The following PPID variants were observed in gnomAD, a reference collection of about 807,000 sequenced individuals.
The protein encoded by PPID is peptidylprolyl isomerase D.
A neutral mutation model predicts 48.1 loss-of-function variants in PPID; 47 were observed. The observed-to-expected ratio is 0.98, with a 90% CI of 0.77 to 1.25. The LOEUF is 1.25. PPID is among the 50% of genes most tolerant of loss of function. PPID has a pLI of 0.00. For synonymous variants in PPID, 163 were observed against 148.8 expected (o/e 1.10, Z -0.69); for missense variants, 429 against 443.5 (o/e 0.97, Z 0.29).
chr4:158,710,740 A>C, intron 8 of PPID, 22 bp downstream of exon 8: 2 of 1,611,188 alleles, frequency 1.2e-6, no homozygotes, highest in Non-Finnish European at 1.7e-6. Flanking sequence ...TTAAAAAATT[A>C]AACATTTGGA....
chr4:158,714,234 G>C (rs1385743539), intron 6 of PPID, among the ~76,000 whole-genome samples: 1 of 152,122 alleles, frequency 6.6e-6, no homozygotes, highest in African/African-American at 2.4e-5. Flanking sequence ...ACAATTTCAC[G>C]ATACCACCTC....
chr4:158,723,064 G>A (rs1389029175), intron 1 of PPID, 140 bp downstream of exon 1: 10 of 817,774 alleles, frequency 1.2e-5, no homozygotes, highest in South Asian at 6.2e-5. Flanking sequence ...GGCCTGCTCC[G>A]GCGGACCAGC....
At chr4:158,720,025 G>C (rs978303654) in intron 2 of PPID, among the ~76,000 whole-genome samples, 6 of 152,180 alleles carry the variant, frequency 3.9e-5, no homozygotes, top group Non-Finnish European at 7.3e-5. Context: ...GCAGCAACAT[G>C]TACACAGTAT....
At chr4:158,717,567 T>C (rs1383135086) in intron 3 of PPID, among the ~76,000 whole-genome samples, 1 of 152,204 alleles carries the variant, frequency 6.6e-6, no homozygotes, top group Non-Finnish European at 1.5e-5. Context: ...TCTTGTAATA[T>C]ATTTTGCCCT....
At position 158,715,278 on chromosome 4, in the gene PPID, T is replaced by C; in HGVS notation, c.752+19A>G. On this transcript the variant is annotated intron_variant, in intron 6 of 9. Coordinates refer to ENST00000307720, the MANE Select transcript of PPID (RefSeq NM_005038.3). ...CAATTTATAATTTCTTAAAAATAATTTGTTAGAAATAATATTACCTTAAAA... is the reference window on the plus strand; with the variant it reads ...CAATTTATAATTTCTTAAAAATAATCTGTTAGAAATAATATTACCTTAAAA... 7.3e-7 allele frequency: 1 copy of C among 1,379,220 alleles called. No individual in the cohort carries two copies. Among genetic ancestry groups the C allele is most frequent in the South Asian group, 1.6e-5 (1 of 61,668 alleles). 85.4% of individuals were successfully genotyped at this position (1,379,220 alleles called of 1,614,324 possible). A position where few individuals can be genotyped will look rare whatever the true frequency, so the allele number is the denominator to read the frequency against.
intron 9 of PPID, 28 bp from the exon 10 acceptor site, chr4:158,709,852 A>G: frequency 6.4e-7 from 1 of 1,552,492 alleles, no homozygotes; most frequent in Non-Finnish European, 8.9e-7. Context: ...AATGTGAGTT[A>G]TTTCTCAAAA....
intron 1 of PPID, among the ~76,000 whole-genome samples, 182 bp downstream of exon 1, chr4:158,723,022 G>T (rs1276748591): frequency 6.6e-6 from 1 of 152,174 alleles, no homozygotes; most frequent in African/African-American, 2.4e-5. Context: ...ATTGATACAA[G>T]GGCGCTGGAT....
chr4:158,721,201 C>T (rs986166024), intron 2 of PPID, 142 bp downstream of exon 2: 4 of 999,572 alleles, frequency 4.0e-6, no homozygotes, highest in African/African-American at 1.6e-5. Context: ...CTAACCTTTA[C>T]GAAACTGCGT....
chr4:158,717,266 C>A, intron 3 of PPID, 66 bp from the exon 4 acceptor site: 1 of 1,420,642 alleles, frequency 7.0e-7, no homozygotes. Flanking sequence ...GTGTGTTAGT[C>A]TGAACTGTTC....
In PPID at chr4:158,723,379, C is replaced by G. The variant is rs1774997387; in HGVS notation, c.-91G>C. 5.3e-6 allele frequency: 7 copies of G among 1,310,030 alleles called. No homozygotes were observed. The highest frequency in any genetic ancestry group is 7.5e-6 in the Non-Finnish European group (7 of 929,412). The allele number at this position is 1,310,030 out of a possible 1,614,324, so 81.2% of individuals were successfully genotyped here. A position where few individuals can be genotyped will look rare whatever the true frequency, so the allele number is the denominator to read the frequency against. On this transcript the variant is annotated 5_prime_UTR_variant, in exon 1 of 10. Transcript: ENST00000307720. The stretch of plus-strand genomic sequence containing the variant: ...CTCCAGAGTCCGTCTCCGCCGGAGA[C>G]CGGCAGCGACGCTGACCGGCCACTT...
In PPID at chr4:158,717,089, A is replaced by G; in HGVS notation, c.445T>C (p.Phe149Leu). ...CCTATTCCTTTAATTACTTGGCCAA[A>G]CACCACATGTTTCCCATCCAAATGA... Reference protein sequence around the residue: ...TPHLDGKHVVFGQVIKGIGVA... With the variant: ...TPHLDGKHVVLGQVIKGIGVA... The change falls in exon 4 of 10, where the codon TTT becomes CTT. Residue 149 changes from phenylalanine (F) to leucine (L), a missense_variant. Coordinates refer to ENST00000307720, the MANE Select transcript of PPID (RefSeq NM_005038.3). 1 of 1,614,124 alleles carries G rather than the reference A, an allele frequency of 6.2e-7. No homozygotes were observed. The highest frequency in any genetic ancestry group is 8.5e-7 in the Non-Finnish European group (1 of 1,179,978).
chr4:158,713,725 G>A (rs867771448), intron 6 of PPID, among the ~76,000 whole-genome samples: 3 of 152,132 alleles, frequency 2.0e-5, no homozygotes, highest in Non-Finnish European at 4.4e-5. Flanking sequence ...GAAATCAGAG[G>A]TCCTTGGAGA....
intron 6 of PPID, 69 bp downstream of exon 6, chr4:158,715,228 C>A (rs372494663): frequency 4.9e-6 from 6 of 1,231,256 alleles, no homozygotes; most frequent in East Asian, 5.6e-5. Flanking sequence ...ATATAATGAG[C>A]AATTCTTAAT....
At chr4:158,710,567 T>G (rs748120355) in intron 9 of PPID, 61 bp downstream of exon 9, 11 of 1,542,620 alleles carry the variant, frequency 7.1e-6, no homozygotes, top group Non-Finnish European at 2.7e-6. Flanking sequence ...TGAACAATGG[T>G]TCCTGAGGAT....
chr4:158,720,701 TTTTGTTTGTTTGTTTG>T (rs10580126), intron 2 of PPID, among the ~76,000 whole-genome samples: 13 of 135,518 alleles, frequency 9.6e-5, no homozygotes, highest in Admixed American at 7.7e-4. Context: ...TTATGCATTT[TTTTGTTTGTTTGTTTG>T]TTTGTTTGTT....
Position 158,709,714 on chromosome 4 carries a change from A to G in PPID, c.*22T>C, listed in dbSNP as rs566464096. 6.5e-7 allele frequency: 1 copy of G among 1,535,024 alleles called. No individual in the cohort carries two copies. Among genetic ancestry groups the G allele is most frequent in the Non-Finnish European group, 9.0e-7 (1 of 1,113,502 alleles). ...TATTGCATTTATACAATCAACACAC[A>G]ATAAGCAAAACTGAATCCTTTCTAA... is the stretch of plus-strand genomic sequence containing the variant. On this transcript the variant is annotated 3_prime_UTR_variant, in exon 10 of 10. Transcript: ENST00000307720.
Position 158,709,247 on chromosome 4 carries a change from G to C in PPID, c.*489C>G, listed in dbSNP as rs1025522898. ...ACCATTTTAAAAAACATTTTACTTG[G>C]CCGGGCACGGTGGCTCACACCTGTA... On this transcript the variant is annotated 3_prime_UTR_variant, in exon 10 of 10. Transcript: ENST00000307720. The C allele has an allele frequency of 5.2e-5, 8 of 152,912 alleles. No homozygotes were observed. Among genetic ancestry groups the C allele is most frequent in the African/African-American group, 1.9e-4 (8 of 41,384 alleles). 9.5% of individuals were successfully genotyped at this position (152,912 alleles called of 1,614,324 possible).
At chr4:158,718,690 G>C (rs1774909040) in intron 3 of PPID, among the ~76,000 whole-genome samples, 1 of 152,080 alleles carries the variant, frequency 6.6e-6, no homozygotes, top group African/African-American at 2.4e-5. Flanking sequence ...CTTATAACTT[G>C]AATGATGCAA....
chr4:158,709,636 CA>C lies in PPID; in HGVS notation c.*99del. The C allele has an allele frequency of 5.8e-6, 5 of 861,862 alleles. No homozygotes were observed. Among genetic ancestry groups the C allele is most frequent in the Non-Finnish European group, 9.0e-6 (5 of 556,568 alleles). The allele number at this position is 861,862 out of a possible 1,614,324, so 53.4% of individuals were successfully genotyped here. On this transcript the variant is annotated 3_prime_UTR_variant, in exon 10 of 10. Transcript: ENST00000307720. ...TGTAAACAGTAAGGAACTAAGGTGTCAAAAGAAACACATTAGGGATCATATT... is the reference window on the plus strand; with the variant it reads ...TGTAAACAGTAAGGAACTAAGGTGTCAAAGAAACACATTAGGGATCATATT...
Sources: allele counts gnomAD v4.1 joint callset (sites outside exome capture counted in the v4.1 genomes callset), GRCh38; gene constraint gnomAD v4.1.1; transcripts MANE v1.5; gene names NCBI Gene and HGNC (gene_info 2026-07-23, HGNC 2026-07-21).